DYNLRB2: variants seen among roughly 807,000 people sequenced by gnomAD.
The protein encoded by DYNLRB2 is dynein light chain roadblock-type 2.
DYNLRB2 carries 14 observed loss-of-function variants against 12.6 expected under a neutral mutation model. That is an observed-to-expected ratio of 1.11 (90% CI 0.73 to 1.73). The LOEUF (loss-of-function observed/expected upper bound fraction) is 1.73. Ranked by LOEUF, DYNLRB2 falls within the 40% of genes most tolerant of loss-of-function variation. The probability of loss-of-function intolerance (pLI) is 0.00; values close to 1 mark genes in which losing one functional copy is unlikely to be tolerated. For synonymous variants in DYNLRB2, 53 were observed against 37.0 expected, an observed-to-expected ratio of 1.43 and a Z score of -1.57; for missense variants, 142 against 117.7, an observed-to-expected ratio of 1.21 and a Z score of -0.95.
chr16:80,548,930 T>C (rs756374024), intron 2 of DYNLRB2: 114 of 455,916 alleles, frequency 2.5e-4, no homozygotes, highest in Non-Finnish European at 4.5e-4. Flanking sequence ...TCCCTTTATG[T>C]TTGTGGCCTC....
intron 2 of DYNLRB2, among the ~76,000 whole-genome samples, chr16:80,545,666 C>CT (rs775659372): frequency 0.08 from 5,996 of 74,712 alleles, 1,239 homozygotes; most frequent in African/African-American, 0.27. Context: ...CCATTAGCTT[C>CT]TTTTTTTTTT....
At chr16:80,540,796 C>T, upstream of DYNLRB2, 1 of 705,332 alleles carries the variant, frequency 1.4e-6, no homozygotes, top group Non-Finnish European at 2.6e-6. Flanking sequence ...GGCCGGGAGC[C>T]TGACCCACTT....
intron 3 of DYNLRB2, among the ~76,000 whole-genome samples, chr16:80,550,053 C>T (rs564205637): frequency 6.6e-5 from 10 of 152,282 alleles, no homozygotes; most frequent in African/African-American, 2.4e-4. Flanking sequence ...TCCCCCAGGT[C>T]TACCAGAAGA....
At chr16:80,546,225 C>A (rs1312244224) in intron 2 of DYNLRB2, among the ~76,000 whole-genome samples, 2 of 152,178 alleles carry the variant, frequency 1.3e-5, no homozygotes, top group Non-Finnish European at 2.9e-5. Context: ...ATTTCAACAA[C>A]CTCCTCAATT....
chr16:80,550,043 TC>T (rs1904741602), intron 3 of DYNLRB2, among the ~76,000 whole-genome samples: 1 of 152,056 alleles, frequency 6.6e-6, no homozygotes. Context: ...GGAAAGTACA[TC>T]CCCCAGGTCT....
chr16:80,540,907 C>A, upstream of DYNLRB2: 1 of 1,221,414 alleles, frequency 8.2e-7, no homozygotes, highest in Non-Finnish European at 1.2e-6. Context: ...GGCCGGGAGG[C>A]ATCAGGAGCG....
intron 2 of DYNLRB2, among the ~76,000 whole-genome samples, chr16:80,545,767 C>T (rs1904420386): frequency 2.1e-5 from 3 of 145,274 alleles, no homozygotes; most frequent in Non-Finnish European, 4.5e-5. Flanking sequence ...GCTCTGCCTC[C>T]CTGGTTCACG....
At chr16:80,550,110 A>G (rs1904746639) in intron 3 of DYNLRB2, among the ~76,000 whole-genome samples, 1 of 152,222 alleles carries the variant, frequency 6.6e-6, no homozygotes. Flanking sequence ...TAGGTTCGCA[A>G]TATTACAAAA....
At chr16:80,545,872 G>A (rs1904431012) in intron 2 of DYNLRB2, among the ~76,000 whole-genome samples, 1 of 150,568 alleles carries the variant, frequency 6.6e-6, no homozygotes, top group Non-Finnish European at 1.5e-5. Flanking sequence ...TAGTAGAGAT[G>A]GGGTTTCACC....
chr16:80,546,331 G>T (rs971705457), intron 2 of DYNLRB2, among the ~76,000 whole-genome samples: 1 of 152,194 alleles, frequency 6.6e-6, no homozygotes, highest in Non-Finnish European at 1.5e-5. Context: ...AACTAAGATG[G>T]TGTTTTATGT....
chr16:80,545,946 G>C (rs1056029867), intron 2 of DYNLRB2, among the ~76,000 whole-genome samples: 2 of 151,894 alleles, frequency 1.3e-5, no homozygotes, highest in African/African-American at 4.8e-5. Flanking sequence ...TGGGATTACA[G>C]GCGTGAGCCA....
chr16:80,547,453 T>G (rs1904543977), intron 2 of DYNLRB2, among the ~76,000 whole-genome samples: 1 of 152,228 alleles, frequency 6.6e-6, no homozygotes, highest in Non-Finnish European at 1.5e-5. Flanking sequence ...GATTGATTTT[T>G]TCCAAGTGTG....
intron 2 of DYNLRB2, chr16:80,544,789 T>C (rs1411255652): frequency 1.3e-5 from 2 of 152,246 alleles, no homozygotes; most frequent in Non-Finnish European, 2.9e-5. Flanking sequence ...TACCTCTTCC[T>C]AGCTTCTGGT....
Position 80,549,528 on chromosome 16 carries a change from T to A in DYNLRB2, c.124T>A (p.Tyr42Asn). The change falls in exon 3 of 4, where the codon TAT (tyrosine) becomes AAT (asparagine). Residue 42 changes from tyrosine (Y) to asparagine (N), a missense_variant. Transcript: ENST00000305904. ...TTLDNSTTVQ[Y>N]AGLLHHLTMK... is the part of the protein sequence containing the mutation. Reference sequence around the variant, plus strand: ...CTTGGACAACTCAACAACTGTTCAATATGCAGGCCTTCTTCATCACCTGAC... The same window carrying A: ...CTTGGACAACTCAACAACTGTTCAAAATGCAGGCCTTCTTCATCACCTGAC... The A allele has an allele frequency of 6.2e-7, 1 of 1,613,054 alleles. No individual in the cohort carries two copies. Among genetic ancestry groups the A allele is most frequent in the Non-Finnish European group, 8.5e-7 (1 of 1,179,314 alleles).
rs1417713632 is a variant in DYNLRB2, at chr16:80,549,710, C to T, written c.247+59C>T. On this transcript the variant is annotated intron_variant, in intron 3 of 3. Coordinates refer to ENST00000305904, the MANE Select transcript of DYNLRB2 (RefSeq NM_130897.3). ...CTTTCTAATTTGCTAGATTAAAAGC[C>T]TTGTTTCTATGAATGGTAAGTACAG... 9 of 1,500,814 alleles carry T rather than the reference C, an allele frequency of 6.0e-6. No individual in the cohort carries two copies. The South Asian group carries it at 1.1e-4, about 18-fold the overall frequency. 93.0% of individuals were successfully genotyped at this position (1,500,814 alleles called of 1,614,324 possible). A position where few individuals can be genotyped will look rare whatever the true frequency, so the allele number is the denominator to read the frequency against.
At chr16:80,546,846 A>G (rs1904497902) in intron 2 of DYNLRB2, among the ~76,000 whole-genome samples, 1 of 152,202 alleles carries the variant, frequency 6.6e-6, no homozygotes, top group Non-Finnish European at 1.5e-5. Flanking sequence ...CAATCTATCA[A>G]CCAAAGCACA....
At chr16:80,542,710 C>T (rs1904298708) in intron 1 of DYNLRB2, among the ~76,000 whole-genome samples, 1 of 152,158 alleles carries the variant, frequency 6.6e-6, no homozygotes, top group African/African-American at 2.4e-5. Flanking sequence ...CACTGAGACG[C>T]AAGCTATAGT....
chr16:80,548,008 A>G (rs1291013580), intron 2 of DYNLRB2: 2 of 342,852 alleles, frequency 5.8e-6, no homozygotes, highest in Non-Finnish European at 1.1e-5. Context: ...AAACCTGGTA[A>G]AATCCTAAGT....
intron 2 of DYNLRB2, among the ~76,000 whole-genome samples, chr16:80,545,495 G>C (rs1170249095): frequency 6.6e-6 from 1 of 151,996 alleles, no homozygotes; most frequent in East Asian, 1.9e-4. Flanking sequence ...TTATGGCCAG[G>C]TGCACACATA....
Sources: gnomAD v4.1 joint callset for allele counts (sites outside exome capture counted in the v4.1 genomes callset) on GRCh38, gnomAD v4.1.1 for gene constraint, MANE v1.5 for transcripts, NCBI Gene and HGNC (gene_info 2026-07-23, HGNC 2026-07-21) for gene names.